DYNC1I1: variants seen among roughly 807,000 people sequenced by gnomAD.
DYNC1I1 encodes the protein dynein cytoplasmic 1 intermediate chain 1, also known as cytoplasmic dynein 1 intermediate chain 1.
A neutral mutation model predicts 86.6 loss-of-function variants in DYNC1I1; 43 were observed. The ratio of observed to expected loss-of-function variants is 0.50; its 90% CI spans 0.39 to 0.64. The LOEUF is 0.64. Among genes scored for constraint, DYNC1I1 ranks in the 30% least tolerant of loss-of-function variants. The pLI is 0.00. For missense variants in DYNC1I1, 604 were observed against 788.8 expected, an observed-to-expected ratio of 0.77 and a Z score of 2.81; for synonymous variants, 262 against 283.7, an observed-to-expected ratio of 0.92 and a Z score of 0.77.
intron 14 of DYNC1I1, among the ~76,000 whole-genome samples, chr7:96,073,728 G>A (rs1037807046): frequency 9.9e-5 from 15 of 152,200 alleles, no homozygotes; most frequent in Middle Eastern, 3.4e-3. Context: ...TTTGTTATTC[G>A]TGTTCTTTAA....
At chr7:96,010,490 C>T (rs569995971) in intron 10 of DYNC1I1, among the ~76,000 whole-genome samples, 54 of 152,312 alleles carry the variant, frequency 3.5e-4, no homozygotes, top group Middle Eastern at 3.4e-3. Flanking sequence ...CTCGCTTTTC[C>T]TCATCCTTGC....
At chr7:95,855,451 T>C (rs1789693584) in intron 5 of DYNC1I1, among the ~76,000 whole-genome samples, 1 of 152,208 alleles carries the variant, frequency 6.6e-6, no homozygotes. Flanking sequence ...CTGGAGACCA[T>C]TGATCATCCT....
chr7:95,786,165 C>T (rs564189183), intron 1 of DYNC1I1, among the ~76,000 whole-genome samples: 1 of 152,204 alleles, frequency 6.6e-6, no homozygotes, highest in Non-Finnish European at 1.5e-5. Context: ...TCAGTTATGT[C>T]CTGAGAGTGT....
intron 10 of DYNC1I1, among the ~76,000 whole-genome samples, chr7:96,009,925 A>G (rs1457020293): frequency 2.0e-5 from 3 of 151,948 alleles, no homozygotes; most frequent in Admixed American, 6.6e-5. Context: ...AATTATAGCC[A>G]TGAGCCACCA....
In DYNC1I1 at chr7:95,803,593, C is replaced by T. The variant is rs764287994; in HGVS notation, c.-9-1128C>T. On this transcript the variant is annotated intron_variant, in intron 1 of 16. Transcript: ENST00000447467. ...ATTCATGATTACCGTCTGGGGACAA[C>T]GACAAAAAAGTTGAGAATTTTTCAT... Among the ~76,000 whole-genome samples the T allele has an allele frequency of 1.1e-4, 17 of 152,104 alleles. 1 individual carries two copies. Among genetic ancestry groups the T allele is most frequent in the South Asian group, 8.3e-4 (4 of 4,832 alleles).
chr7:95,884,160 A>G (rs1790530829), intron 6 of DYNC1I1, among the ~76,000 whole-genome samples: 1 of 152,208 alleles, frequency 6.6e-6, no homozygotes, highest in South Asian at 2.1e-4. Flanking sequence ...CAGTCTTTAC[A>G]TCATCTTCAT....
chr7:96,080,625 C>A, intron 16 of DYNC1I1, 137 bp downstream of exon 16: 1 of 1,449,330 alleles, frequency 6.9e-7, no homozygotes, highest in East Asian at 2.3e-5. Flanking sequence ...GACTTCAATG[C>A]TAGTTTGGCG....
chr7:95,804,768 CA>C lies in DYNC1I1; in HGVS notation c.44del (p.Lys15SerfsTer4). On this transcript the variant is annotated frameshift_variant, in exon 2 of 17. Transcript: ENST00000447467. LOFTEE classifies it high-confidence loss of function. Reference protein sequence around the residue: ...KSDLKAELERKKQRLAQIREE... With the variant: ...KSDLKAELERXKQRLAQIREE... ...GTGACTTAAAAGCTGAGCTAGAGCG[CA>C]AAAAGCAGCGCTTAGCACAGATAAG... 1 of 1,599,514 alleles carries C rather than the reference CA, an allele frequency of 6.3e-7. No homozygotes were observed. The highest frequency in any genetic ancestry group is 8.5e-7 in the Non-Finnish European group (1 of 1,172,178).
chr7:96,015,778 G>A (rs759612956), intron 10 of DYNC1I1, among the ~76,000 whole-genome samples: 4 of 152,024 alleles, frequency 2.6e-5, no homozygotes, highest in Admixed American at 6.6e-5. Flanking sequence ...CAGACTCTTC[G>A]GTGGACACGA....
chr7:95,841,101 AG>A (rs1463000111), intron 5 of DYNC1I1, among the ~76,000 whole-genome samples: 2 of 152,210 alleles, frequency 1.3e-5, no homozygotes, highest in African/African-American at 4.8e-5. Flanking sequence ...TAGGGGGTCT[AG>A]TAAATGCTAG....
At chr7:96,017,159 A>G (rs1417352248) in intron 10 of DYNC1I1, among the ~76,000 whole-genome samples, 1 of 152,196 alleles carries the variant, frequency 6.6e-6, no homozygotes, top group Non-Finnish European at 1.5e-5. Flanking sequence ...CATAAATCAA[A>G]GAGGTGGATG....
At chr7:95,789,004 G>C (rs1162633817) in intron 1 of DYNC1I1, among the ~76,000 whole-genome samples, 1 of 152,038 alleles carries the variant, frequency 6.6e-6, no homozygotes, top group Non-Finnish European at 1.5e-5. Context: ...ATGTATACAT[G>C]CCTGCATCCT....
chr7:95,997,017 G>A (rs1235863554), intron 10 of DYNC1I1, among the ~76,000 whole-genome samples: 1 of 152,158 alleles, frequency 6.6e-6, no homozygotes, highest in African/African-American at 2.4e-5. Context: ...AGACTTTAGA[G>A]CATTATCAGA....
At chr7:95,871,455 T>TA (rs1291058981) in intron 6 of DYNC1I1, among the ~76,000 whole-genome samples, 3 of 152,324 alleles carry the variant, frequency 2.0e-5, no homozygotes, top group East Asian at 3.9e-4. Context: ...GGAAGATCGT[T>TA]AAAAAACATC....
chr7:95,795,418 A>T (rs1794410140), intron 1 of DYNC1I1, among the ~76,000 whole-genome samples: 1 of 151,898 alleles, frequency 6.6e-6, no homozygotes, highest in African/African-American at 2.4e-5. Flanking sequence ...TGAAATGAAC[A>T]TGTATAATTG....
chr7:95,974,151 C>T (rs1003433856), intron 6 of DYNC1I1, among the ~76,000 whole-genome samples: 1 of 152,182 alleles, frequency 6.6e-6, no homozygotes, highest in African/African-American at 2.4e-5. Flanking sequence ...ACCAGAATGC[C>T]TAATCTCTCT....
chr7:95,778,221 A>G (rs947391918), intron 1 of DYNC1I1, among the ~76,000 whole-genome samples: 15 of 152,198 alleles, frequency 9.9e-5, no homozygotes, highest in Admixed American at 2.0e-4. Context: ...ATGGAGATGG[A>G]AAAAGGGGCC....
intron 6 of DYNC1I1, among the ~76,000 whole-genome samples, chr7:95,902,859 C>T (rs1584143601): frequency 6.6e-6 from 1 of 152,092 alleles, no homozygotes; most frequent in Non-Finnish European, 1.5e-5. Flanking sequence ...AAACAATGGC[C>T]CAGCTTATTT....
chr7:95,981,374 T>TA (rs1257178747), intron 7 of DYNC1I1, among the ~76,000 whole-genome samples: 5 of 152,026 alleles, frequency 3.3e-5, no homozygotes. Flanking sequence ...TATTTTCATA[T>TA]AAAAAATAAG....
Sources: gnomAD v4.1 joint callset for allele counts (sites outside exome capture counted in the v4.1 genomes callset) on GRCh38, gnomAD v4.1.1 for gene constraint, MANE v1.5 for transcripts, NCBI Gene and HGNC (gene_info 2026-07-23, HGNC 2026-07-21) for gene names.